Variants in CHCHD3 observed in about 807,000 individuals in gnomAD.
The protein encoded by CHCHD3 is coiled-coil-helix-coiled-coil-helix domain containing 3.
Under a neutral mutation model 38.2 loss-of-function variants are expected in CHCHD3, and 20 were observed. The ratio of observed to expected loss-of-function variants is 0.52; its 90% confidence interval spans 0.37 to 0.76. The LOEUF is 0.76. CHCHD3 is among the 30% of genes least tolerant of loss of function. The pLI, the probability that CHCHD3 is intolerant of heterozygous loss-of-function variation, is 0.00. For synonymous variants in CHCHD3, 82 were observed against 100.0 expected (o/e 0.82, Z 1.07); for missense variants, 245 against 279.2 (o/e 0.88, Z 0.87).
intron 3 of CHCHD3, among the ~76,000 whole-genome samples, chr7:133,018,875 C>CTCTTTTT (rs769011540): frequency 2.9e-5 from 2 of 70,150 alleles, no homozygotes; most frequent in African/African-American, 1.2e-4. Flanking sequence ...CATGATTTCT[C>CTCTTTTT]TTTTTTTTTT....
chr7:132,944,032 C>A (rs910530248), intron 4 of CHCHD3, among the ~76,000 whole-genome samples: 2 of 152,082 alleles, frequency 1.3e-5, no homozygotes, highest in African/African-American at 4.8e-5. Context: ...TGAGCTCCTA[C>A]TAGCATGCAT....
rs141444596 is a variant in CHCHD3 at position 132,854,223 on chromosome 7, G to A, written c.454-15754C>T. On this transcript the variant is annotated intron_variant, in intron 5 of 7. Coordinates refer to ENST00000262570, the MANE Select transcript of CHCHD3 (RefSeq NM_017812.4). The stretch of plus-strand genomic sequence containing the variant: ...AAATTTAGCTAAAAATTTGTTCATT[G>A]TGGAGTTCATCATACTGAAAAATGA... 7.3e-3 allele frequency among the ~76,000 whole-genome samples: 1,115 copies of A among 152,264 alleles called. 12 individuals are homozygous for A. The highest frequency in any genetic ancestry group is 0.025 in the African/African-American group (1,033 of 41,552).
At chr7:132,871,537 ATCT>A (rs1193605289) in intron 5 of CHCHD3, among the ~76,000 whole-genome samples, 1 of 152,162 alleles carries the variant, frequency 6.6e-6, no homozygotes, top group African/African-American at 2.4e-5. Flanking sequence ...AAGCAGACAA[ATCT>A]TCTCAACACG....
intron 2 of CHCHD3, among the ~76,000 whole-genome samples, chr7:133,059,960 G>A (rs1332494351): frequency 6.6e-6 from 1 of 152,234 alleles, no homozygotes; most frequent in East Asian, 1.9e-4. Flanking sequence ...TTCTTTCAAA[G>A]GCTCATAATC....
intron 5 of CHCHD3, among the ~76,000 whole-genome samples, chr7:132,845,603 C>T (rs997404746): frequency 6.6e-6 from 1 of 152,160 alleles, no homozygotes; most frequent in Non-Finnish European, 1.5e-5. Flanking sequence ...CAATTAACTA[C>T]ATTGAACAGC....
chr7:132,789,018 G>A (rs996318288), intron 7 of CHCHD3, among the ~76,000 whole-genome samples: 1 of 152,124 alleles, frequency 6.6e-6, no homozygotes, highest in African/African-American at 2.4e-5. Context: ...CCAGCTATGC[G>A]ACAAAACCTG....
chr7:132,831,730 T>C (rs1156391324), intron 6 of CHCHD3, among the ~76,000 whole-genome samples: 2 of 152,220 alleles, frequency 1.3e-5, no homozygotes, highest in Non-Finnish European at 2.9e-5. Flanking sequence ...GTAAACTTTG[T>C]ACTTTTAGTA....
intron 3 of CHCHD3, among the ~76,000 whole-genome samples, chr7:132,981,684 T>C (rs1811921971): frequency 6.6e-6 from 1 of 152,326 alleles, no homozygotes; most frequent in Admixed American, 6.5e-5. Context: ...TCATGTAGGT[T>C]GACACATAAG....
chr7:132,850,541 T>C (rs916439664), intron 5 of CHCHD3, among the ~76,000 whole-genome samples: 1 of 151,944 alleles, frequency 6.6e-6, no homozygotes. Context: ...AAAACCTTAG[T>C]TACATTACCT....
At chr7:133,022,904 A>C (rs2117439126) in intron 3 of CHCHD3, among the ~76,000 whole-genome samples, 1 of 146,942 alleles carries the variant, frequency 6.8e-6, no homozygotes, top group East Asian at 2.0e-4. Flanking sequence ...AGCCTGCACC[A>C]TATGGAGAGA....
chr7:133,044,131 G>A (rs78733677), intron 2 of CHCHD3, among the ~76,000 whole-genome samples: 1,567 of 152,292 alleles, frequency 0.01, 31 homozygotes, highest in African/African-American at 0.036. Context: ...GCAGGTAGCA[G>A]CATGTGTGAT....
Position 132,985,449 on chromosome 7 carries a change from C to G in CHCHD3, c.252-10163G>C, listed in dbSNP as rs1279385763. On this transcript the variant is annotated intron_variant, in intron 3 of 7. Transcript: ENST00000262570. The stretch of plus-strand genomic sequence containing the variant: ...GGGCGCCTCTGCCCGGCCGCCCCTA[C>G]TGGGAAGAGAGGAGCCCCTCTGCCC... 7.8e-5 allele frequency among the ~76,000 whole-genome samples: 5 copies of G among 63,720 alleles called. 1 individual carries two copies. Among genetic ancestry groups the G allele is most frequent in the African/African-American group, 2.8e-4 (5 of 17,980 alleles). The allele number at this position is 63,720 out of a possible 152,430, so 41.8% of individuals were successfully genotyped here.
rs117839521 is a variant in CHCHD3, at chr7:132,950,493, G to A, written c.369+24676C>T. On this transcript the variant is annotated intron_variant, in intron 4 of 7. Transcript: ENST00000262570. ...ATGGCATATACCTTACAAAACATTT[G>A]TCATCTTATAAGATGCAAATCACAT... is the stretch of plus-strand genomic sequence containing the variant. Among the ~76,000 whole-genome samples, 1,492 of 152,184 alleles carry A rather than the reference G, an allele frequency of 9.8e-3. 12 individuals carry two copies. Among genetic ancestry groups the A allele is most frequent in the South Asian group, 0.066 (320 of 4,826 alleles).
chr7:132,874,764 A>G (rs1808855193), intron 5 of CHCHD3, among the ~76,000 whole-genome samples: 1 of 152,148 alleles, frequency 6.6e-6, no homozygotes, highest in Non-Finnish European at 1.5e-5. Flanking sequence ...GCTTGAATCA[A>G]TGGACACCTA....
intron 4 of CHCHD3, among the ~76,000 whole-genome samples, chr7:132,961,865 G>C (rs1261570324): frequency 6.6e-6 from 1 of 152,150 alleles, no homozygotes; most frequent in Admixed American, 6.5e-5. Context: ...CCACATATAA[G>C]TGAGAACATA....
At position 133,082,077 on chromosome 7, in the gene CHCHD3, A is replaced by C. The variant is rs1045258110; in HGVS notation, c.-140T>G. ...GGCCACGACCCCCAGAAGCAAGGAG[A>C]AGGCGCCGGTCCTGAGCTCCCGCCT... On this transcript the variant is annotated 5_prime_UTR_variant, in exon 1 of 8. Transcript: ENST00000262570. The C allele has an allele frequency of 2.7e-6, 2 of 735,714 alleles. No homozygotes were observed. The highest frequency in any genetic ancestry group is 3.3e-5 in the Admixed American group (1 of 30,300). The allele number at this position is 735,714 out of a possible 1,614,324, so 45.6% of individuals were successfully genotyped here.
intron 6 of CHCHD3, among the ~76,000 whole-genome samples, chr7:132,810,916 A>G (rs1041943399): frequency 9.2e-5 from 14 of 152,140 alleles, no homozygotes; most frequent in African/African-American, 2.9e-4. Context: ...ATTCACAGGC[A>G]CTAAATCCTG....
intron 3 of CHCHD3, among the ~76,000 whole-genome samples, chr7:133,010,830 C>A (rs893658137): frequency 1.3e-5 from 2 of 152,102 alleles, no homozygotes; most frequent in Admixed American, 1.3e-4. Context: ...CCGCCCGCCT[C>A]GGCCTCCCAA....
chr7:132,972,314 G>A (rs899594373), intron 4 of CHCHD3, among the ~76,000 whole-genome samples: 11 of 152,074 alleles, frequency 7.2e-5, no homozygotes, highest in African/African-American at 2.7e-4. Flanking sequence ...TAATGTGAAG[G>A]TTATTGTAAC....
Sources: gnomAD v4.1 joint callset for allele counts (sites outside exome capture counted in the v4.1 genomes callset) on GRCh38, gnomAD v4.1.1 for gene constraint, MANE v1.5 for transcripts, NCBI Gene and HGNC (gene_info 2026-07-23, HGNC 2026-07-21) for gene names.